Variants in GLRB observed in about 807,000 individuals in gnomAD.
GLRB encodes glycine receptor subunit beta.
Under a neutral mutation model 54.2 loss-of-function variants are expected in GLRB, and 33 were observed. The observed-to-expected ratio is 0.61, with a 90% CI of 0.46 to 0.81. GLRB has a LOEUF of 0.81. Among genes scored for constraint, GLRB ranks in the 40% least tolerant of loss-of-function variants. The pLI is 0.00. For missense variants in GLRB, 572 were observed against 584.6 expected (o/e 0.98, Z 0.22); for synonymous variants, 209 against 208.2 (o/e 1.00, Z -0.03).
chr4:157,139,050 A>C (rs549952320), intron 7 of GLRB, 101 bp downstream of exon 7: 1 of 663,378 alleles, frequency 1.5e-6, no homozygotes, highest in South Asian at 1.9e-5. Context: ...CCAAAACTTA[A>C]AATTAAATTA....
At chr4:157,155,125 G>T (rs1325782196) in intron 9 of GLRB, among the ~76,000 whole-genome samples, 1 of 151,910 alleles carries the variant, frequency 6.6e-6, no homozygotes, top group Non-Finnish European at 1.5e-5. Flanking sequence ...TCTGTTTAGA[G>T]AATTTCCTTG....
At chr4:157,096,327 CT>C (rs1262124344) in intron 2 of GLRB, among the ~76,000 whole-genome samples, 1 of 152,096 alleles carries the variant, frequency 6.6e-6, no homozygotes, top group Non-Finnish European at 1.5e-5. Flanking sequence ...CCAGGGGGTA[CT>C]TTTTATTATC....
At chr4:157,160,108 A>T (rs112026433) in intron 9 of GLRB, among the ~76,000 whole-genome samples, 1 of 152,172 alleles carries the variant, frequency 6.6e-6, no homozygotes, top group East Asian at 1.9e-4. Flanking sequence ...TAGATTTTCT[A>T]GTTTATTTGT....
chr4:157,160,173 G>T (rs7664404), intron 9 of GLRB, among the ~76,000 whole-genome samples: 1 of 151,936 alleles, frequency 6.6e-6, no homozygotes, highest in Non-Finnish European at 1.5e-5. Flanking sequence ...CGGGATCGGT[G>T]GTGATATACC....
At chr4:157,137,175 A>G (rs1475876087) in intron 6 of GLRB, among the ~76,000 whole-genome samples, 2 of 152,142 alleles carry the variant, frequency 1.3e-5, no homozygotes, top group Non-Finnish European at 2.9e-5. Flanking sequence ...CAGGCAAGGT[A>G]AAAGAGAAAA....
intron 4 of GLRB, among the ~76,000 whole-genome samples, chr4:157,122,637 C>G (rs1472497605): frequency 6.6e-6 from 1 of 151,546 alleles, no homozygotes; most frequent in Non-Finnish European, 1.5e-5. Context: ...TGATGTATTC[C>G]CCCTGAAAAA....
At chr4:157,143,405 T>A (rs1037561513) in intron 7 of GLRB, among the ~76,000 whole-genome samples, 2 of 150,766 alleles carry the variant, frequency 1.3e-5, no homozygotes, top group Non-Finnish European at 2.9e-5. Flanking sequence ...AGTCCCGGAG[T>A]GTTTCTTTTT....
chr4:157,148,429 C>T (rs1316160846), intron 8 of GLRB, among the ~76,000 whole-genome samples: 2 of 151,916 alleles, frequency 1.3e-5, no homozygotes, highest in Non-Finnish European at 2.9e-5. Context: ...AATTTGATCT[C>T]TTTGTAATTG....
intron 2 of GLRB, among the ~76,000 whole-genome samples, chr4:157,120,245 AG>A (rs1240146476): frequency 2.3e-5 from 1 of 43,850 alleles, no homozygotes; most frequent in East Asian, 8.6e-4. Context: ...GGGTGGGGGG[AG>A]GGGGGTGGGA....
At chr4:157,114,390 T>C (rs1006838177) in intron 2 of GLRB, among the ~76,000 whole-genome samples, 1 of 151,594 alleles carries the variant, frequency 6.6e-6, no homozygotes, top group African/African-American at 2.4e-5. Context: ...CTTTATAGAG[T>C]TATAGAAAAA....
At chr4:157,134,482 C>A (rs1736328769) in intron 4 of GLRB, among the ~76,000 whole-genome samples, 1 of 151,426 alleles carries the variant, frequency 6.6e-6, no homozygotes, top group South Asian at 2.1e-4. Context: ...AGAGCAAGAC[C>A]CTGTCTCAAA....
intron 8 of GLRB, among the ~76,000 whole-genome samples, chr4:157,151,703 G>C (rs1343155165): frequency 1.3e-5 from 2 of 152,040 alleles, no homozygotes; most frequent in Non-Finnish European, 2.9e-5. Flanking sequence ...TATAGTGTTT[G>C]TAATTTCATG....
At position 157,147,906 on chromosome 4, in the gene GLRB, G is replaced by T. The variant is rs187647400; in HGVS notation, c.904+3947G>T. On this transcript the variant is annotated intron_variant, in intron 8 of 9. Coordinates refer to ENST00000264428, the MANE Select transcript of GLRB (RefSeq NM_000824.5). The stretch of plus-strand genomic sequence containing the variant: ...CTGCTCTTACCTGTTCTATGGTAAA[G>T]CAGCCATAGACAATATATAACTGAA... Among the ~76,000 whole-genome samples the T allele has an allele frequency of 2.1e-3, 322 of 152,316 alleles. 1 individual carries two copies. Among genetic ancestry groups the T allele is most frequent in the African/African-American group, 7.6e-3 (314 of 41,578 alleles).
intron 2 of GLRB, among the ~76,000 whole-genome samples, chr4:157,112,286 T>G (rs1186770568): frequency 6.6e-6 from 1 of 151,782 alleles, no homozygotes; most frequent in Admixed American, 6.6e-5. Flanking sequence ...CATAAACAAA[T>G]TTATCTAAAC....
At chr4:157,157,241 A>C (rs182231735) in intron 9 of GLRB, among the ~76,000 whole-genome samples, 1 of 152,300 alleles carries the variant, frequency 6.6e-6, no homozygotes, top group East Asian at 1.9e-4. Flanking sequence ...TTCCACAGAC[A>C]CTATGGCAGG....
chr4:157,077,551 A>G (rs550374068), intron 1 of GLRB, among the ~76,000 whole-genome samples: 2 of 152,194 alleles, frequency 1.3e-5, no homozygotes, highest in South Asian at 4.2e-4. Context: ...TAAGAACTTC[A>G]AACAATATAA....
chr4:157,161,931 A>AAC (rs1232992350), intron 9 of GLRB, among the ~76,000 whole-genome samples: 21 of 152,128 alleles, frequency 1.4e-4, no homozygotes, highest in Admixed American at 1.2e-3. Context: ...AGTGTTTTCC[A>AAC]ACTTGTTTCC....
At chr4:157,125,523 A>C (rs1735985483) in intron 4 of GLRB, among the ~76,000 whole-genome samples, 1 of 151,906 alleles carries the variant, frequency 6.6e-6, no homozygotes. Flanking sequence ...ATTTCACAGT[A>C]GTATATTATC....
At chr4:157,085,711 A>T (rs528268406) in intron 2 of GLRB, among the ~76,000 whole-genome samples, 36 of 152,014 alleles carry the variant, frequency 2.4e-4, no homozygotes, top group African/African-American at 8.4e-4. Context: ...GTTAGCCAGG[A>T]TGGTCTCGAT....
Sources: allele counts gnomAD v4.1 joint callset (sites outside exome capture counted in the v4.1 genomes callset), GRCh38; gene constraint gnomAD v4.1.1; transcripts MANE v1.5; gene names NCBI Gene and HGNC (gene_info 2026-07-23, HGNC 2026-07-21).